RSPH3: variants seen among roughly 807,000 people sequenced by gnomAD.
The protein encoded by RSPH3 is radial spoke head protein 3 homolog.
In RSPH3, 21 loss-of-function variants were observed where a neutral mutation model predicts 43.8. The ratio of observed to expected loss-of-function variants is 0.48; its 90% CI spans 0.34 to 0.69. The LOEUF (loss-of-function observed/expected upper bound fraction) is 0.69, where lower values mean the gene tolerates loss of function less well. Among genes scored for constraint, RSPH3 ranks in the 30% least tolerant of loss-of-function variants. The pLI, the probability that RSPH3 is intolerant of heterozygous loss-of-function variation, is 0.01. For synonymous variants in RSPH3, 173 were observed against 179.8 expected (o/e 0.96, Z 0.30); for missense variants, 487 against 516.0 (o/e 0.94, Z 0.54).
chr6:158,988,559 C>T (rs1421614839), intron 2 of RSPH3, among the ~76,000 whole-genome samples: 1 of 152,134 alleles, frequency 6.6e-6, no homozygotes, highest in Non-Finnish European at 1.5e-5. Context: ...ATCTTATAAG[C>T]AGTCTTTGTT....
chr6:158,997,096 G>A (rs1583729989), intron 1 of RSPH3, among the ~76,000 whole-genome samples: 1 of 152,012 alleles, frequency 6.6e-6, no homozygotes. Flanking sequence ...TCTCCATCAT[G>A]TTATGAAACA....
intron 1 of RSPH3, among the ~76,000 whole-genome samples, chr6:158,995,382 A>G (rs77379040): frequency 0.018 from 2,710 of 152,246 alleles, 34 homozygotes; most frequent in Middle Eastern, 0.024. Context: ...GAATTCTGCA[A>G]TTTAGATGTC....
intron 6 of RSPH3, 47 bp downstream of exon 6, chr6:158,980,727 A>G: frequency 1.4e-6 from 2 of 1,436,650 alleles, no homozygotes; most frequent in Middle Eastern, 1.8e-4. Flanking sequence ...AACCATTAAG[A>G]GGATGCTTAT....
At chr6:158,991,597 A>G (rs1422307524) in intron 2 of RSPH3, among the ~76,000 whole-genome samples, 1 of 152,088 alleles carries the variant, frequency 6.6e-6, no homozygotes, top group East Asian at 1.9e-4. Flanking sequence ...CAATTCAGCT[A>G]CCCCACTGGG....
chr6:158,973,114 G>A lies in RSPH3; in HGVS notation c.*4424C>T, dbSNP rs964649722. The A allele has an allele frequency of 3.5e-4, 53 of 152,184 alleles. No individual in the cohort carries two copies. The highest frequency in any genetic ancestry group is 1.3e-3 in the African/African-American group (52 of 41,442). 9.4% of individuals were successfully genotyped at this position (152,184 alleles called of 1,614,324 possible). A position where few individuals can be genotyped will look rare whatever the true frequency, so the allele number is the denominator to read the frequency against. On this transcript the variant is annotated 3_prime_UTR_variant, in exon 8 of 8. Coordinates refer to ENST00000367069, the MANE Select transcript of RSPH3 (RefSeq NM_031924.8). The stretch of plus-strand genomic sequence containing the variant: ...AATAACAGATGCTAATTAGTTAGTG[G>A]GGAAGTGAAGCTCATGTTTAGGCCT...
intron 1 of RSPH3, among the ~76,000 whole-genome samples, chr6:158,997,999 T>C (rs959913600): frequency 1.4e-5 from 2 of 146,866 alleles, no homozygotes; most frequent in Non-Finnish European, 3.1e-5. Context: ...TCGTATTAAG[T>C]GCTTACTATG....
intron 1 of RSPH3, among the ~76,000 whole-genome samples, chr6:158,996,200 A>G (rs529545907): frequency 6.6e-6 from 1 of 152,328 alleles, no homozygotes; most frequent in African/African-American, 2.4e-5. Context: ...ATTTTATTGG[A>G]AGGGTTATAT....
chr6:158,999,777 G>A lies in RSPH3; in HGVS notation c.-227C>T. On this transcript the variant is annotated 5_prime_UTR_variant, in exon 1 of 8. Transcript: ENST00000367069. ...ACCACAGAGACCAGCTGCGGGGGCCGCATCGGTTGCCCAGCAACCCAGGGT... is the reference window on the plus strand; with the variant it reads ...ACCACAGAGACCAGCTGCGGGGGCCACATCGGTTGCCCAGCAACCCAGGGT... 2 of 1,611,266 alleles carry A rather than the reference G, an allele frequency of 1.2e-6. No homozygotes were observed. Among genetic ancestry groups the A allele is most frequent in the Non-Finnish European group, 8.5e-7 (1 of 1,178,094 alleles).
chr6:158,980,284 T>C (rs1777988300), intron 6 of RSPH3, among the ~76,000 whole-genome samples: 1 of 152,088 alleles, frequency 6.6e-6, no homozygotes, highest in Admixed American at 6.6e-5. Context: ...AAAAATTAGC[T>C]GGGCGTGGTA....
Position 158,980,628 on chromosome 6 carries a change from C to T in RSPH3, c.859+146G>A, listed in dbSNP as rs557183745. 2.3e-4 allele frequency: 145 copies of T among 628,438 alleles called. 3 individuals are homozygous for T. In the South Asian group the frequency reaches 3.0e-3, roughly 13 times the overall value. The allele number at this position is 628,438 out of a possible 1,614,324, so 38.9% of individuals were successfully genotyped here. ...TTTAAAATATACATCTCATTAACAA[C>T]TGTACTTACTTTAAACAACTAAAAT... On this transcript the variant is annotated intron_variant, in intron 6 of 7. Coordinates refer to ENST00000367069, the MANE Select transcript of RSPH3 (RefSeq NM_031924.8).
intron 3 of RSPH3, among the ~76,000 whole-genome samples, chr6:158,985,739 A>G (rs1478500902): frequency 2.0e-5 from 3 of 151,648 alleles, no homozygotes; most frequent in Non-Finnish European, 1.5e-5. Flanking sequence ...TGTTTTTTTT[A>G]AACCCCATCC....
In RSPH3 at chr6:158,975,037, C is replaced by A. The variant is rs1777790886; in HGVS notation, c.*2501G>T. On this transcript the variant is annotated 3_prime_UTR_variant, in exon 8 of 8. Coordinates refer to ENST00000367069, the MANE Select transcript of RSPH3 (RefSeq NM_031924.8). ...TGTATTTTTAGTAGAGACGGGGTTT[C>A]ACCATGTTGGCCAGGATGGTCTTGA... The A allele has an allele frequency of 6.6e-6, 1 of 152,084 alleles. No homozygotes were observed. Among genetic ancestry groups the A allele is most frequent in the Admixed American group, 6.6e-5 (1 of 15,248 alleles). 9.4% of individuals were successfully genotyped at this position (152,084 alleles called of 1,614,324 possible). A position where few individuals can be genotyped will look rare whatever the true frequency, so the allele number is the denominator to read the frequency against.
chr6:158,968,375 C>T (rs539888129), downstream of RSPH3, among the ~76,000 whole-genome samples: 37 of 152,170 alleles, frequency 2.4e-4, no homozygotes, highest in South Asian at 7.5e-3. Context: ...GCTGGGATTA[C>T]AGGCATGTAC....
chr6:158,999,534 G>C lies in RSPH3; in HGVS notation c.17C>G (p.Thr6Ser). 1 of 1,581,072 alleles carries C rather than the reference G, an allele frequency of 6.3e-7. No individual in the cohort carries two copies. The highest frequency in any genetic ancestry group is 1.1e-5 in the South Asian group (1 of 87,352). Residue 6 changes from threonine to serine, a missense_variant, in exon 1 of 8, where the codon ACT becomes AGT. By Grantham distance (58) the Thr-to-Ser change is moderately conservative (BLOSUM62 1). Coordinates refer to ENST00000367069, the MANE Select transcript of RSPH3 (RefSeq NM_031924.8). MASAL[T>S]DRTSRAPSTY... ...GCTCGGGGCCCGAGAGGTGCGATCA[G>C]TCAGCGCTGAGGCCATGTCCGGGGG...
rs551691659 is a variant in RSPH3, at chr6:158,992,881, T to A, written c.204+958A>T. 2.0e-5 allele frequency among the ~76,000 whole-genome samples: 3 copies of A among 152,296 alleles called. No individual in the cohort carries two copies. In the South Asian group the frequency reaches 6.2e-4, roughly 32 times the overall value. ...CAGGACCTAAAACTCAATAAATATT[T>A]GTTGAGTGAATTAAAGAAGCAGAAT... On this transcript the variant is annotated intron_variant, in intron 2 of 7. Coordinates refer to ENST00000367069, the MANE Select transcript of RSPH3 (RefSeq NM_031924.8).
At chr6:158,997,052 G>T (rs1778617199) in intron 1 of RSPH3, among the ~76,000 whole-genome samples, 1 of 151,990 alleles carries the variant, frequency 6.6e-6, no homozygotes, top group South Asian at 2.1e-4. Context: ...CTCCTGTTTG[G>T]CCACTTCCCA....
chr6:158,971,878 A>C (rs1435714261), downstream of RSPH3, among the ~76,000 whole-genome samples: 1 of 152,232 alleles, frequency 6.6e-6, no homozygotes, highest in Non-Finnish European at 1.5e-5. Context: ...TCTGGGAAAC[A>C]TGTTTTAACA....
rs1166067108 is a variant in RSPH3, at chr6:158,973,626, T to A, written c.*3912A>T. 1.3e-5 allele frequency: 2 copies of A among 152,172 alleles called. No homozygotes were observed. Among genetic ancestry groups the A allele is most frequent in the East Asian group, 3.9e-4 (2 of 5,194 alleles). The allele number at this position is 152,172 out of a possible 1,614,324, so 9.4% of individuals were successfully genotyped here. ...CCATGGTGAAGACTACATGCTTGCA[T>A]GTGAGGACTCAAGCCCAGTGGTCTG... On this transcript the variant is annotated 3_prime_UTR_variant, in exon 8 of 8. Transcript: ENST00000367069.
intron 6 of RSPH3, among the ~76,000 whole-genome samples, chr6:158,980,079 G>A (rs1461510929): frequency 1.3e-5 from 2 of 152,164 alleles, no homozygotes; most frequent in African/African-American, 4.8e-5. Context: ...AACTACTTAC[G>A]CATACACAGG....
Sources: gnomAD v4.1 joint callset for allele counts (sites outside exome capture counted in the v4.1 genomes callset) on GRCh38, gnomAD v4.1.1 for gene constraint, MANE v1.5 for transcripts, NCBI Gene and HGNC (gene_info 2026-07-23, HGNC 2026-07-21) for gene names.